The following MYO5B variants were observed in gnomAD, a reference collection of about 807,000 sequenced individuals.
MYO5B encodes the protein unconventional myosin-Vb.
Under a neutral mutation model 229.3 loss-of-function variants are expected in MYO5B, and 143 were observed. The observed-to-expected ratio is 0.62, with a 90% CI of 0.54 to 0.72. The LOEUF is 0.72. Ranked by LOEUF, MYO5B falls within the 30% of genes least tolerant of loss-of-function variation. The pLI is 0.00. For missense variants in MYO5B, 2,321 were observed against 2,331.0 expected (o/e 1.00, Z 0.09); for synonymous variants, 918 against 885.2 (o/e 1.04, Z -0.66).
intron 22 of MYO5B, among the ~76,000 whole-genome samples, chr18:49,886,062 C>T (rs1268038682): frequency 6.6e-6 from 1 of 152,154 alleles, no homozygotes; most frequent in East Asian, 1.9e-4. Flanking sequence ...ACCTCAGCCT[C>T]CTGAGTAGCT....
chr18:50,191,609 G>A (rs908685491), intron 1 of MYO5B, among the ~76,000 whole-genome samples: 2 of 152,150 alleles, frequency 1.3e-5, no homozygotes, highest in African/African-American at 2.4e-5. Flanking sequence ...AAAGCAATCC[G>A]ATATTAATTC....
intron 2 of MYO5B, among the ~76,000 whole-genome samples, chr18:50,049,999 CTT>C (rs929139130): frequency 1.3e-5 from 2 of 152,054 alleles, no homozygotes; most frequent in Non-Finnish European, 2.9e-5. Flanking sequence ...TTTTTTTACA[CTT>C]TGACTCTTTA....
chr18:50,127,543 G>A (rs11665048), intron 1 of MYO5B, among the ~76,000 whole-genome samples: 30,850 of 152,176 alleles, frequency 0.2, 3,597 homozygotes, highest in Non-Finnish European at 0.27. Context: ...GGAGGGGCAG[G>A]TACCACTAAT....
At chr18:50,151,663 T>C (rs2032600391) in intron 1 of MYO5B, among the ~76,000 whole-genome samples, 1 of 152,186 alleles carries the variant, frequency 6.6e-6, no homozygotes, top group Admixed American at 6.5e-5. Flanking sequence ...AAAGTATATA[T>C]ATACACTAGT....
intron 16 of MYO5B, among the ~76,000 whole-genome samples, chr18:49,933,114 G>T (rs1489484369): frequency 5.3e-5 from 8 of 152,180 alleles, no homozygotes; most frequent in African/African-American, 1.9e-4. Flanking sequence ...CCATGGAATT[G>T]ATTTCTCCAT....
intron 1 of MYO5B, among the ~76,000 whole-genome samples, chr18:50,085,857 T>C (rs370266039): frequency 6.6e-6 from 1 of 151,838 alleles, no homozygotes; most frequent in African/African-American, 2.4e-5. Flanking sequence ...TAGGTGGGAA[T>C]TGAACAATGA....
At chr18:50,111,165 G>A (rs561609041) in intron 1 of MYO5B, among the ~76,000 whole-genome samples, 197 of 152,350 alleles carry the variant, frequency 1.3e-3, no homozygotes, top group African/African-American at 4.3e-3. Flanking sequence ...TGGGAACAGA[G>A]GCTGTGTCAA....
intron 1 of MYO5B, among the ~76,000 whole-genome samples, chr18:50,115,545 GAGAC>G (rs71169480): frequency 0.25 from 26,049 of 106,042 alleles, 2,545 homozygotes; most frequent in Middle Eastern, 0.3. Context: ...CACACACAGA[GAGAC>G]ACACACACAC....
At position 49,974,601 on chromosome 18, in the gene MYO5B, G is replaced by T; in HGVS notation, c.1071C>A (p.Tyr357Ter). 1 of 1,613,896 alleles carries T rather than the reference G, an allele frequency of 6.2e-7. No individual in the cohort carries two copies. Among genetic ancestry groups the T allele is most frequent in the Non-Finnish European group, 8.5e-7 (1 of 1,179,922 alleles). ...DSCSISPQDVYLSNFCRLLGV... is the reference protein window; with the variant it reads ...DSCSISPQDV ...CTAGCAGTCGGCAGAAGTTGCTTAG[G>T]TATACATCCTGGGGCTGTGGGAGAT... The change falls in exon 10 of 40, where the codon TAC (tyrosine) becomes TAA (stop). Residue 357 changes from tyrosine (Y) to a stop codon, truncating the protein, a stop_gained. Coordinates refer to ENST00000285039, the MANE Select transcript of MYO5B (RefSeq NM_001080467.3). LOFTEE classifies it high-confidence loss of function.
rs72483170 is a variant in MYO5B at position 49,954,020 on chromosome 18, TTA to T, written c.1668+291_1668+292del. 0.13 allele frequency among the ~76,000 whole-genome samples: 5,079 copies of T among 38,580 alleles called. 200 individuals carry two copies. The highest frequency in any genetic ancestry group is 0.23 in the Middle Eastern group (14 of 62). The allele number at this position is 38,580 out of a possible 152,430, so 25.3% of individuals were successfully genotyped here. A position where few individuals can be genotyped will look rare whatever the true frequency, so the allele number is the denominator to read the frequency against. On this transcript the variant is annotated intron_variant, in intron 13 of 39. Coordinates refer to ENST00000285039, the MANE Select transcript of MYO5B (RefSeq NM_001080467.3). ...CACAGACATATATGTGTGTATGTAT[TTA>T]TATGTGTGTGTGTGTGTGTGTGTGT...
chr18:50,082,603 G>C (rs75845837), intron 1 of MYO5B, among the ~76,000 whole-genome samples: 1 of 152,096 alleles, frequency 6.6e-6, no homozygotes, highest in Non-Finnish European at 1.5e-5. Context: ...TACCTCAAGG[G>C]AATGTGCAGC....
intron 14 of MYO5B, among the ~76,000 whole-genome samples, chr18:49,952,371 G>T (rs2025439650): frequency 7.2e-6 from 1 of 138,836 alleles, no homozygotes; most frequent in African/African-American, 2.8e-5. Flanking sequence ...TTCCTCTGCA[G>T]GGCTAAAGCC....
intron 4 of MYO5B, among the ~76,000 whole-genome samples, chr18:50,017,855 G>A (rs934713467): frequency 3.9e-5 from 6 of 152,124 alleles, no homozygotes; most frequent in Non-Finnish European, 7.4e-5. Flanking sequence ...CTGGTTTAAC[G>A]TTCTTCACTC....
intron 9 of MYO5B, among the ~76,000 whole-genome samples, chr18:49,978,629 C>T (rs138052449): frequency 4.8e-4 from 72 of 148,768 alleles, no homozygotes; most frequent in African/African-American, 1.7e-3. Flanking sequence ...GACTAAAGAG[C>T]GAGAACTGAC....
chr18:49,919,461 A>G (rs2025051495), intron 17 of MYO5B, among the ~76,000 whole-genome samples: 1 of 152,230 alleles, frequency 6.6e-6, no homozygotes, highest in Non-Finnish European at 1.5e-5. Context: ...AAGAACTCCT[A>G]TAACTCCTAT....
rs1405121882 is a variant in MYO5B at position 49,962,516 on chromosome 18, G to A, written c.1405-110C>T. On this transcript the variant is annotated intron_variant, in intron 11 of 39. Coordinates refer to ENST00000285039, the MANE Select transcript of MYO5B (RefSeq NM_001080467.3). The stretch of plus-strand genomic sequence containing the variant: ...TCTGGAGGACAGCAGAGAACTGCCA[G>A]ATAAGGTTTGGATGCTAAGTCATAG... 4 of 1,454,394 alleles carry A rather than the reference G, an allele frequency of 2.8e-6. No homozygotes were observed. In the African/African-American group the frequency reaches 4.2e-5, roughly 15 times the overall value. The allele number at this position is 1,454,394 out of a possible 1,614,324, so 90.1% of individuals were successfully genotyped here.
At chr18:50,066,589 G>A (rs565312108) in intron 1 of MYO5B, among the ~76,000 whole-genome samples, 3 of 152,208 alleles carry the variant, frequency 2.0e-5, no homozygotes, top group South Asian at 2.1e-4. Context: ...TTAGCAAAAC[G>A]GCACAATAAT....
At chr18:50,139,834 C>T (rs1272308317) in intron 1 of MYO5B, among the ~76,000 whole-genome samples, 3 of 152,174 alleles carry the variant, frequency 2.0e-5, no homozygotes, top group Non-Finnish European at 4.4e-5. Flanking sequence ...GCTCCAATAG[C>T]AAAAACTACA....
Position 49,902,816 on chromosome 18 carries a change from C to G in MYO5B, c.2589G>C (p.Lys863Asn), listed in dbSNP as rs1239190137. The G allele has an allele frequency of 6.2e-7, 1 of 1,600,854 alleles. No individual in the cohort carries two copies. The highest frequency in any genetic ancestry group is 2.2e-5 in the East Asian group (1 of 44,862). Residue 863 changes from lysine (K) to asparagine (N), a missense_variant, in exon 21 of 40, where the codon AAG (lysine) becomes AAC (asparagine). Transcript: ENST00000285039. ...GCACGTGCTTCTGGATGGTGGTGGCCTTGTGCTCCATGAGGACCTGGCGGG... is the reference window on the plus strand; with the variant it reads ...GCACGTGCTTCTGGATGGTGGTGGCGTTGTGCTCCATGAGGACCTGGCGGG... ...RTYRQVLMEH[K>N]ATTIQKHVRG...
Sources: allele counts gnomAD v4.1 joint callset (sites outside exome capture counted in the v4.1 genomes callset), GRCh38; gene constraint gnomAD v4.1.1; transcripts MANE v1.5; gene names NCBI Gene and HGNC (gene_info 2026-07-23, HGNC 2026-07-21).